The following PWWP2A variants were observed in gnomAD, a reference collection of about 807,000 sequenced individuals.
The protein encoded by PWWP2A is PWWP domain containing 2A.
PWWP2A carries 18 observed loss-of-function variants against 48.5 expected under a neutral mutation model. The observed-to-expected ratio is 0.37, with a 90% CI of 0.26 to 0.55. The LOEUF (loss-of-function observed/expected upper bound fraction) is 0.55. Among genes scored for constraint, PWWP2A ranks in the 20% least tolerant of loss-of-function variants. The pLI is 0.81. For synonymous variants in PWWP2A, 396 were observed against 387.7 expected, an observed-to-expected ratio of 1.02 and a Z score of -0.25; for missense variants, 867 against 976.4, an observed-to-expected ratio of 0.89 and a Z score of 1.49.
At chr5:160,090,343 T>C, downstream of PWWP2A, 1 of 984,238 alleles carries the variant, frequency 1.0e-6, no homozygotes, top group East Asian at 1.1e-4. Flanking sequence ...TTGATGACTT[T>C]TAAGTCTTTC....
chr5:160,048,977 T>A, the PWWP2A span, among the ~76,000 whole-genome samples: 8 of 151,918 alleles, frequency 5.3e-5, no homozygotes, highest in Non-Finnish European at 1.2e-4. Context: ...TCTCACTCTT[T>A]CACTGCGCAC....
At chr5:160,112,626 T>C (rs1757706572) in intron 1 of PWWP2A, among the ~76,000 whole-genome samples, 1 of 152,174 alleles carries the variant, frequency 6.6e-6, no homozygotes, top group Admixed American at 6.5e-5. Flanking sequence ...CAAAGAAAGC[T>C]ACCTAGAAGA....
At chr5:160,094,718 A>G (rs1054665817) in intron 1 of PWWP2A, among the ~76,000 whole-genome samples, 1 of 152,132 alleles carries the variant, frequency 6.6e-6, no homozygotes. Context: ...ATCATCTCAC[A>G]TTAAGAAATA....
intron 4 of PWWP2A, among the ~76,000 whole-genome samples, chr5:160,064,268 C>T (rs1753531008): frequency 1.3e-5 from 2 of 152,190 alleles, no homozygotes; most frequent in African/African-American, 4.8e-5. Flanking sequence ...CACGCCCATC[C>T]TATATACCTC....
downstream of PWWP2A, among the ~76,000 whole-genome samples, chr5:160,073,004 CAAAAAAAAA>C (rs35836307): frequency 0.016 from 970 of 58,886 alleles, 11 homozygotes; most frequent in Middle Eastern, 0.057. Flanking sequence ...GGCTCCGTCT[CAAAAAAAAA>C]AAAAAAAAAA....
At chr5:160,108,534 C>G (rs919152733) in intron 1 of PWWP2A, 9 of 1,264,958 alleles carry the variant, frequency 7.1e-6, no homozygotes, top group Admixed American at 2.3e-5. Flanking sequence ...GCTACTGATA[C>G]CACTACTCAC....
chr5:160,105,540 C>A (rs1214101590), intron 1 of PWWP2A: 2 of 224,520 alleles, frequency 8.9e-6, no homozygotes, highest in Admixed American at 1.5e-4. Flanking sequence ...GGTGACAGAG[C>A]GAGACTCCAT....
chr5:160,060,908 G>A (rs1189921777), downstream of PWWP2A, among the ~76,000 whole-genome samples: 1 of 152,232 alleles, frequency 6.6e-6, no homozygotes, highest in Non-Finnish European at 1.5e-5. Context: ...AAATTTTAAT[G>A]TTTGTTCAGT....
At chr5:160,115,919 A>G (rs1208621357) in intron 1 of PWWP2A, among the ~76,000 whole-genome samples, 3 of 152,070 alleles carry the variant, frequency 2.0e-5, no homozygotes, top group African/African-American at 4.8e-5. Flanking sequence ...TGTGCAATCA[A>G]CATAAGTGCG....
chr5:160,062,782 A>G (rs1753460516), intron 5 of PWWP2A, among the ~76,000 whole-genome samples: 3 of 151,160 alleles, frequency 2.0e-5, no homozygotes, highest in Non-Finnish European at 1.5e-5. Context: ...CCCAGTACCA[A>G]CATTTTCTTG....
the PWWP2A span, among the ~76,000 whole-genome samples, chr5:160,050,438 C>T: frequency 3.9e-5 from 6 of 152,038 alleles, no homozygotes; most frequent in African/African-American, 1.5e-4. Context: ...CAGTGTGAGA[C>T]TCTGTCTTAA....
At chr5:160,045,527 C>CTG in the PWWP2A span, among the ~76,000 whole-genome samples, 1 of 136,402 alleles carries the variant, frequency 7.3e-6, no homozygotes, top group Non-Finnish European at 1.5e-5. Flanking sequence ...CACACTCTCT[C>CTG]TCTCTCTCTC....
At chr5:160,058,409 C>CT (rs1171929571), downstream of PWWP2A, among the ~76,000 whole-genome samples, 9,601 of 129,784 alleles carry the variant, frequency 0.074, 480 homozygotes, top group Non-Finnish European at 0.091. Flanking sequence ...AAGTGTATTT[C>CT]TTTTTTTTTT....
At chr5:160,052,756 T>A in the PWWP2A span, among the ~76,000 whole-genome samples, 1 of 152,144 alleles carries the variant, frequency 6.6e-6, no homozygotes. Context: ...CTTCCATTTG[T>A]CCTTGTCTTT....
At chr5:160,065,011 C>T (rs140930247) in intron 4 of PWWP2A, 4 of 1,613,908 alleles carry the variant, frequency 2.5e-6, no homozygotes, top group African/African-American at 2.7e-5. Flanking sequence ...AACAGGATTC[C>T]TCTACCGGCT....
chr5:160,092,495 G>A lies in PWWP2A; in HGVS notation c.2155C>T (p.Arg719Cys), dbSNP rs369763753. Reference sequence around the variant, plus strand: ...AGGCCCTTTCTCTTCTTATTAAAGCGTGACTGGAAGTTTTCTAAAAAGGGG... The same window carrying A: ...AGGCCCTTTCTCTTCTTATTAAAGCATGACTGGAAGTTTTCTAAAAAGGGG... ...LSPFLENFQSRFNKKRKGLYR... is the reference protein window; with the variant it reads ...LSPFLENFQSCFNKKRKGLYR... Residue 719 changes from arginine (R) to cysteine (C), a missense_variant, in exon 2 of 2, where the codon CGC (arginine) becomes TGC (cysteine). This residue lies in a region of PWWP2A where 97 missense variants were observed against 151.7 expected (regional missense o/e 0.64). Coordinates refer to ENST00000307063, the MANE Select transcript of PWWP2A (RefSeq NM_001130864.2). The A allele has an allele frequency of 1.4e-5, 22 of 1,551,516 alleles. No homozygotes were observed. Among genetic ancestry groups the A allele is most frequent in the East Asian group, 4.9e-5 (2 of 40,922 alleles).
chr5:160,080,054 T>A (rs1754120108), intron 3 of PWWP2A, among the ~76,000 whole-genome samples: 1 of 152,210 alleles, frequency 6.6e-6, no homozygotes, highest in African/African-American at 2.4e-5. Context: ...ATAAGCCTTT[T>A]AGGCCTTATC....
At chr5:160,089,998 G>T (rs1754938477), downstream of PWWP2A, 1 of 984,924 alleles carries the variant, frequency 1.0e-6, no homozygotes, top group African/African-American at 1.7e-5. Context: ...ACACATTTAA[G>T]ATTAGAGAGA....
chr5:160,084,820 T>C (rs903738283), intron 2 of PWWP2A, among the ~76,000 whole-genome samples: 4 of 152,080 alleles, frequency 2.6e-5, no homozygotes, highest in Admixed American at 6.6e-5. Context: ...TCTTTTACAC[T>C]CAACTCGATG....
Sources: allele counts gnomAD v4.1 joint callset (sites outside exome capture counted in the v4.1 genomes callset), GRCh38; gene constraint gnomAD v4.1.1; regional missense constraint gnomAD v4.1.1; transcripts MANE v1.5; gene names NCBI Gene and HGNC (gene_info 2026-07-23, HGNC 2026-07-21).